PRKD1: variants seen among roughly 807,000 people sequenced by gnomAD.
The protein encoded by PRKD1 is serine/threonine-protein kinase D1.
PRKD1 carries 63 observed loss-of-function variants against 95.9 expected under a neutral mutation model. That is an observed-to-expected ratio of 0.66 (90% CI 0.54 to 0.81). The LOEUF (loss-of-function observed/expected upper bound fraction) is 0.81, where lower values mean the gene tolerates loss of function less well. Among genes scored for constraint, PRKD1 ranks in the 30% least tolerant of loss-of-function variants. The probability of loss-of-function intolerance (pLI) is 0.00; values close to 1 mark genes in which losing one functional copy is unlikely to be tolerated. For synonymous variants in PRKD1, 425 were observed against 423.1 expected, an observed-to-expected ratio of 1.00 and a Z score of -0.05; for missense variants, 1,048 against 1,165.3, an observed-to-expected ratio of 0.90 and a Z score of 1.47.
At chr14:29,637,195 G>A (rs1050854087) in intron 6 of PRKD1, among the ~76,000 whole-genome samples, 6 of 152,090 alleles carry the variant, frequency 3.9e-5, no homozygotes, top group Non-Finnish European at 7.4e-5. Context: ...GAGGATGACA[G>A]AAATTTTCAC....
At chr14:29,904,179 T>C (rs1330557441) in intron 1 of PRKD1, among the ~76,000 whole-genome samples, 1 of 152,178 alleles carries the variant, frequency 6.6e-6, no homozygotes, top group East Asian at 1.9e-4. Context: ...AAAAGAATAG[T>C]GTATTTGTGT....
At chr14:29,675,146 A>G (rs1235371114) in intron 2 of PRKD1, among the ~76,000 whole-genome samples, 2 of 152,218 alleles carry the variant, frequency 1.3e-5, no homozygotes, top group African/African-American at 2.4e-5. Context: ...GACTCCCCCT[A>G]TTCTTCACGA....
Position 29,620,611 on chromosome 14 carries a change from C to A in PRKD1, c.1905+3541G>T, listed in dbSNP as rs569896155. Among the ~76,000 whole-genome samples, 18 of 150,412 alleles carry A rather than the reference C, an allele frequency of 1.2e-4. No homozygotes were observed. The East Asian group carries it at 3.5e-3, about 30-fold the overall frequency. ...CACTGGCCATCAGAGAAATGCAAATCAAAACCACAATGAGATACCATCTCA... is the reference window on the plus strand; with the variant it reads ...CACTGGCCATCAGAGAAATGCAAATAAAAACCACAATGAGATACCATCTCA... On this transcript the variant is annotated intron_variant, in intron 13 of 17. Transcript: ENST00000331968.
intron 1 of PRKD1, among the ~76,000 whole-genome samples, chr14:29,901,378 A>G (rs1452438802): frequency 6.6e-6 from 1 of 152,174 alleles, no homozygotes; most frequent in African/African-American, 2.4e-5. Context: ...AAAACCACCT[A>G]CTGAGTACTA....
At chr14:29,665,838 A>G (rs1297041895) in intron 3 of PRKD1, among the ~76,000 whole-genome samples, 1 of 152,146 alleles carries the variant, frequency 6.6e-6, no homozygotes, top group East Asian at 1.9e-4. Context: ...AGATAGATCT[A>G]TGTATGTATA....
At chr14:29,760,349 C>CTTTTTTT (rs36093531) in intron 1 of PRKD1, among the ~76,000 whole-genome samples, 1 of 114,178 alleles carries the variant, frequency 8.8e-6, no homozygotes. Context: ...ATTTTCTCAA[C>CTTTTTTT]TTTTTTTTTT....
chr14:29,755,072 G>A (rs1259530360), intron 1 of PRKD1, among the ~76,000 whole-genome samples: 1 of 151,838 alleles, frequency 6.6e-6, no homozygotes, highest in Non-Finnish European at 1.5e-5. Flanking sequence ...ATTTCTAGTT[G>A]ATTTTTCCTG....
chr14:29,816,034 A>G (rs1890678085), intron 1 of PRKD1, among the ~76,000 whole-genome samples: 1 of 152,176 alleles, frequency 6.6e-6, no homozygotes, highest in South Asian at 2.1e-4. Flanking sequence ...CCTGGCCAAC[A>G]TGGTGAAACC....
At chr14:29,918,246 C>A (rs1174823644) in intron 1 of PRKD1, among the ~76,000 whole-genome samples, 1 of 151,870 alleles carries the variant, frequency 6.6e-6, no homozygotes, top group African/African-American at 2.4e-5. Context: ...GTAAATTATA[C>A]CTTAATAATG....
At chr14:29,619,887 C>G (rs1467204172) in intron 13 of PRKD1, among the ~76,000 whole-genome samples, 1 of 152,044 alleles carries the variant, frequency 6.6e-6, no homozygotes, top group Non-Finnish European at 1.5e-5. Context: ...GCCAAAAGAA[C>G]AAAGCTGGAG....
intron 9 of PRKD1, 66 bp downstream of exon 9, chr14:29,632,803 A>T: frequency 7.1e-7 from 1 of 1,408,002 alleles, no homozygotes; most frequent in Middle Eastern, 1.8e-4. Flanking sequence ...CCTATTTCTT[A>T]TACTCTACAT....
At chr14:29,826,802 C>CATATATAT (rs1453251417) in intron 1 of PRKD1, among the ~76,000 whole-genome samples, 1 of 22,786 alleles carries the variant, frequency 4.4e-5, no homozygotes, top group African/African-American at 2.1e-4. Flanking sequence ...CATATATATA[C>CATATATAT]ACATATATAT....
rs552774544 is a variant in PRKD1, at chr14:29,765,310, T to A, written c.265-39636A>T. 1.3e-4 allele frequency among the ~76,000 whole-genome samples: 20 copies of A among 152,262 alleles called. No homozygotes were observed. In the South Asian group the frequency reaches 2.9e-3, roughly 22 times the overall value. ...ATGCGAAAGTGCTTCACTTGATTAATAATCAGGGAAATACAAAATAAAACT... is the reference window on the plus strand; with the variant it reads ...ATGCGAAAGTGCTTCACTTGATTAAAAATCAGGGAAATACAAAATAAAACT... On this transcript the variant is annotated intron_variant, in intron 1 of 17. Coordinates refer to ENST00000331968, the MANE Select transcript of PRKD1 (RefSeq NM_002742.3).
chr14:29,588,292 T>C (rs1245327193), intron 16 of PRKD1, among the ~76,000 whole-genome samples: 4 of 152,194 alleles, frequency 2.6e-5, no homozygotes, highest in African/African-American at 9.6e-5. Context: ...CTTAAGTGTT[T>C]AGCGTTCTGG....
intron 1 of PRKD1, among the ~76,000 whole-genome samples, chr14:29,845,648 C>G (rs918730842): frequency 6.6e-6 from 1 of 152,044 alleles, no homozygotes; most frequent in East Asian, 1.9e-4. Flanking sequence ...AAAACTAATA[C>G]AACTAAAAAA....
At chr14:29,634,314 T>C (rs1261213603) in intron 8 of PRKD1, 104 bp downstream of exon 8, 1 of 1,553,846 alleles carries the variant, frequency 6.4e-7, no homozygotes, top group Non-Finnish European at 8.8e-7. Flanking sequence ...TGTGCTGAGG[T>C]TTACTCTGAG....
intron 1 of PRKD1, among the ~76,000 whole-genome samples, chr14:29,824,729 A>G (rs2139276933): frequency 6.6e-6 from 1 of 152,302 alleles, no homozygotes; most frequent in East Asian, 1.9e-4. Flanking sequence ...CCTGTTAAAT[A>G]CATTCTTTAC....
chr14:29,764,877 G>A (rs555288686), intron 1 of PRKD1, among the ~76,000 whole-genome samples: 34 of 152,320 alleles, frequency 2.2e-4, no homozygotes, highest in African/African-American at 7.9e-4. Context: ...ACTAGTGGAA[G>A]ATGACCAAAA....
At chr14:29,729,705 C>A (rs890738246) in intron 1 of PRKD1, among the ~76,000 whole-genome samples, 1 of 151,516 alleles carries the variant, frequency 6.6e-6, no homozygotes, top group Non-Finnish European at 1.5e-5. Context: ...TTAATTTGTT[C>A]TTTTCTTCCT....
Sources: allele counts gnomAD v4.1 joint callset (sites outside exome capture counted in the v4.1 genomes callset), GRCh38; gene constraint gnomAD v4.1.1; transcripts MANE v1.5; gene names NCBI Gene and HGNC (gene_info 2026-07-23, HGNC 2026-07-21).